The following TIAM1 variants were observed in gnomAD, a reference collection of about 807,000 sequenced individuals.
TIAM1 encodes rho guanine nucleotide exchange factor TIAM1.
A neutral mutation model predicts 163.5 loss-of-function variants in TIAM1; 65 were observed. That is an observed-to-expected ratio of 0.40 (90% confidence interval 0.33 to 0.49). TIAM1 has a LOEUF of 0.49. TIAM1 is among the 20% of genes least tolerant of loss of function. The pLI is 0.77. For synonymous variants in TIAM1, 833 were observed against 810.1 expected (o/e 1.03, Z -0.48); for missense variants, 1,789 against 2,044.7 (o/e 0.87, Z 2.41).
intron 6 of TIAM1, among the ~76,000 whole-genome samples, chr21:31,231,838 C>A (rs936444070): frequency 3.9e-5 from 6 of 152,074 alleles, no homozygotes; most frequent in Non-Finnish European, 7.4e-5. Context: ...CATGGTGAAA[C>A]CCCGTCTCTA....
chr21:31,266,453 C>T lies in TIAM1; in HGVS notation c.520G>A (p.Asp174Asn), dbSNP rs1273971063. 1 of 1,614,108 alleles carries T rather than the reference C, an allele frequency of 6.2e-7. No homozygotes were observed. The highest frequency in any genetic ancestry group is 8.5e-7 in the Non-Finnish European group (1 of 1,180,048). ...SFKKKRSKSA[D>N]IWREDSLEFS... is the part of the protein sequence containing the mutation. ...TCCAGGCTGTCCTCCCGCCAGATGT[C>T]TGCAGATTTGGAGCGTTTCTTCTTA... Residue 174 changes from aspartate (D) to asparagine (N), a missense_variant, in exon 4 of 28, where the codon GAC (aspartate) becomes AAC (asparagine). Physicochemically the swap from Asp to Asn is conservative, Grantham distance 23. Coordinates refer to ENST00000541036, the MANE Select transcript of TIAM1 (RefSeq NM_001353694.2).
At chr21:31,295,199 G>A (rs144198141) in intron 2 of TIAM1, among the ~76,000 whole-genome samples, 255 of 152,280 alleles carry the variant, frequency 1.7e-3, no homozygotes, top group Middle Eastern at 3.4e-3. Flanking sequence ...GGCCAGGTGC[G>A]GTGGCTTACG....
At chr21:31,259,267 C>T (rs985503344) in intron 4 of TIAM1, among the ~76,000 whole-genome samples, 1 of 151,750 alleles carries the variant, frequency 6.6e-6, no homozygotes, top group Non-Finnish European at 1.5e-5. Flanking sequence ...CACTACGAAA[C>T]TGAGACTACA....
intron 2 of TIAM1, among the ~76,000 whole-genome samples, chr21:31,392,495 G>C (rs1051283319): frequency 7.9e-5 from 12 of 151,126 alleles, no homozygotes; most frequent in Non-Finnish European, 1.3e-4. Context: ...GCTTGAACCC[G>C]GGAGGCAAAG....
At chr21:31,208,311 G>A (rs1423769254) in intron 11 of TIAM1, among the ~76,000 whole-genome samples, 1 of 152,144 alleles carries the variant, frequency 6.6e-6, no homozygotes, top group Non-Finnish European at 1.5e-5. Context: ...ATGCTCCAAA[G>A]CCATGTTATT....
At chr21:31,251,221 A>G (rs969377188) in intron 5 of TIAM1, among the ~76,000 whole-genome samples, 1 of 152,244 alleles carries the variant, frequency 6.6e-6, no homozygotes, top group African/African-American at 2.4e-5. Context: ...TGCCAAAACT[A>G]GACATGAGAT....
chr21:31,285,272 G>C (rs1284746275), intron 2 of TIAM1, among the ~76,000 whole-genome samples: 6 of 152,164 alleles, frequency 3.9e-5, no homozygotes, highest in Non-Finnish European at 8.8e-5. Flanking sequence ...GCTTGTGGGG[G>C]GGGCGGTGAG....
intron 2 of TIAM1, among the ~76,000 whole-genome samples, chr21:31,300,585 C>G (rs2074458899): frequency 6.6e-6 from 1 of 152,160 alleles, no homozygotes; most frequent in South Asian, 2.1e-4. Flanking sequence ...TGCAAAGGAC[C>G]ACTGACTTGT....
intron 1 of TIAM1, among the ~76,000 whole-genome samples, chr21:31,525,831 C>T (rs926742741): frequency 6.6e-6 from 1 of 151,950 alleles, no homozygotes; most frequent in African/African-American, 2.4e-5. Flanking sequence ...GTCAGGAGTT[C>T]GAGGCCAGCC....
chr21:31,354,576 T>C (rs967191358), intron 2 of TIAM1, among the ~76,000 whole-genome samples: 2 of 152,064 alleles, frequency 1.3e-5, no homozygotes. Context: ...GAAGTACTAA[T>C]GTTGGTTCAC....
At chr21:31,486,558 G>A (rs1227990645) in intron 1 of TIAM1, among the ~76,000 whole-genome samples, 1 of 152,228 alleles carries the variant, frequency 6.6e-6, no homozygotes, top group Non-Finnish European at 1.5e-5. Context: ...TGCTGCTCTG[G>A]GCTTGGTTGT....
chr21:31,271,241 GAA>G (rs3216553), intron 3 of TIAM1, among the ~76,000 whole-genome samples: 1 of 139,322 alleles, frequency 7.2e-6, no homozygotes, highest in Non-Finnish European at 1.6e-5. Context: ...AAACCCAAAA[GAA>G]AAAAAAAAAT....
At chr21:31,435,664 G>T (rs7276211) in intron 2 of TIAM1, among the ~76,000 whole-genome samples, 9,747 of 152,206 alleles carry the variant, frequency 0.064, 1,010 homozygotes, top group African/African-American at 0.22. Context: ...CTTCTACACT[G>T]CCATCAAGAT....
At chr21:31,135,567 G>A (rs1049854955) in intron 23 of TIAM1, among the ~76,000 whole-genome samples, 4 of 151,850 alleles carry the variant, frequency 2.6e-5, no homozygotes, top group Non-Finnish European at 4.4e-5. Flanking sequence ...AGAAACAGAG[G>A]CCATTTTGTC....
intron 1 of TIAM1, among the ~76,000 whole-genome samples, chr21:31,533,942 C>A (rs116522165): frequency 4.7e-4 from 71 of 152,242 alleles, no homozygotes; most frequent in African/African-American, 1.6e-3. Context: ...TACCTAAGCA[C>A]GAGGGATTCG....
chr21:31,227,552 C>A (rs1244412136), intron 6 of TIAM1, among the ~76,000 whole-genome samples: 3 of 152,054 alleles, frequency 2.0e-5, no homozygotes, highest in Admixed American at 6.6e-5. Flanking sequence ...AGAAGTACCA[C>A]CTGATAAAGC....
intron 1 of TIAM1, among the ~76,000 whole-genome samples, chr21:31,488,721 C>T (rs2046356799): frequency 6.8e-6 from 1 of 146,620 alleles, no homozygotes; most frequent in Admixed American, 6.7e-5. Context: ...GGGAAACCAT[C>T]CCCATGATTC....
intron 1 of TIAM1, among the ~76,000 whole-genome samples, chr21:31,536,038 G>A (rs2048123605): frequency 6.6e-6 from 1 of 152,088 alleles, no homozygotes. Context: ...GCCTGTGTTG[G>A]GCCTTTAAAA....
At position 31,276,854 on chromosome 21, in the gene TIAM1, C is replaced by G. The variant is rs990665859; in HGVS notation, c.-134G>C. 6.6e-5 allele frequency: 10 copies of G among 152,208 alleles called. No individual in the cohort carries two copies. Among genetic ancestry groups the G allele is most frequent in the African/African-American group, 2.4e-4 (10 of 41,452 alleles). 9.4% of individuals were successfully genotyped at this position (152,208 alleles called of 1,614,324 possible). On this transcript the variant is annotated 5_prime_UTR_variant, in exon 3 of 28. Transcript: ENST00000541036. Reference sequence around the variant, plus strand: ...GGGCTGGGGACGATGTCAGCACCTGCCCCCTGCGGTGGCCATCACAGTTTC... The same window carrying G: ...GGGCTGGGGACGATGTCAGCACCTGGCCCCTGCGGTGGCCATCACAGTTTC...
Sources: allele counts gnomAD v4.1 joint callset (sites outside exome capture counted in the v4.1 genomes callset), GRCh38; gene constraint gnomAD v4.1.1; transcripts MANE v1.5; gene names NCBI Gene and HGNC (gene_info 2026-07-23, HGNC 2026-07-21).